Variants in DAPK1 observed in about 807,000 individuals in gnomAD.
DAPK1 encodes death-associated protein kinase 1.
In DAPK1, 56 loss-of-function variants were observed where a neutral mutation model predicts 144.9. The ratio of observed to expected loss-of-function variants is 0.39; its 90% CI spans 0.31 to 0.48. The LOEUF (loss-of-function observed/expected upper bound fraction) is 0.48, where lower values mean the gene tolerates loss of function less well. Ranked by LOEUF, DAPK1 falls within the 20% of genes least tolerant of loss-of-function variation. The probability of loss-of-function intolerance (pLI) is 0.95; values close to 1 mark genes in which losing one functional copy is unlikely to be tolerated. For synonymous variants in DAPK1, 690 were observed against 749.0 expected (o/e 0.92, Z 1.29); for missense variants, 1,454 against 1,875.4 (o/e 0.78, Z 4.15).
chr9:87,526,940 G>T (rs536792348), intron 2 of DAPK1, among the ~76,000 whole-genome samples: 1 of 152,320 alleles, frequency 6.6e-6, no homozygotes, highest in Non-Finnish European at 1.5e-5. Context: ...TTCAAAAACA[G>T]TTGGAGGATT....
At chr9:87,593,766 G>A (rs772984262) in intron 2 of DAPK1, among the ~76,000 whole-genome samples, 2 of 151,944 alleles carry the variant, frequency 1.3e-5, no homozygotes, top group Admixed American at 6.6e-5. Context: ...TTTTTCAGCC[G>A]AGAGCAGCTT....
chr9:87,513,714 G>A (rs1005186176), intron 2 of DAPK1, among the ~76,000 whole-genome samples: 28 of 152,190 alleles, frequency 1.8e-4, no homozygotes, highest in African/African-American at 6.5e-4. Flanking sequence ...TGGGTGGTGG[G>A]TGGTGCAGCT....
intron 3 of DAPK1, among the ~76,000 whole-genome samples, chr9:87,635,812 T>G (rs1191924808): frequency 2.0e-5 from 3 of 152,032 alleles, no homozygotes; most frequent in Non-Finnish European, 4.4e-5. Flanking sequence ...GTGGCAGAAG[T>G]TAAGACTTGG....
chr9:87,586,806 T>C (rs1480292358), intron 2 of DAPK1, among the ~76,000 whole-genome samples: 1 of 152,250 alleles, frequency 6.6e-6, no homozygotes, highest in African/African-American at 2.4e-5. Context: ...TAAAAGTCAC[T>C]TTCTTCAGTT....
chr9:87,706,989 C>A lies in DAPK1; in HGVS notation c.3918C>A (p.Asn1306Lys). 1.2e-6 allele frequency: 2 copies of A among 1,613,566 alleles called. No homozygotes were observed. The highest frequency in any genetic ancestry group is 1.7e-6 in the Non-Finnish European group (2 of 1,179,910). Residue 1306 changes from asparagine to lysine, a missense_variant, in exon 26 of 26, where the codon AAC becomes AAA. Around this residue, in one of 2 missense-constraint regions of DAPK1, gnomAD observed 1,025 missense variants for 1,237.9 expected, o/e 0.83. Coordinates refer to ENST00000408954, the MANE Select transcript of DAPK1 (RefSeq NM_004938.4). The surrounding 1 kb of genome is among the most constrained non-coding windows in gnomAD (Gnocchi z 9.0). ...TGGACATCCATGCATCAGACCTGAACCTCCTCACTCGGAGGAAACTGAGTC... is the reference window on the plus strand; with the variant it reads ...TGGACATCCATGCATCAGACCTGAAACTCCTCACTCGGAGGAAACTGAGTC... ...LGMDIHASDL[N>K]LLTRRKLSRL...
chr9:87,640,230 T>A, intron 7 of DAPK1, 68 bp from the exon 8 acceptor site: 1 of 1,458,636 alleles, frequency 6.9e-7, no homozygotes, highest in Non-Finnish European at 9.4e-7. Context: ...CTCCAGATGT[T>A]ATAGGAGCAA....
chr9:87,607,509 TGTC>T (rs1036489541), intron 3 of DAPK1, among the ~76,000 whole-genome samples: 2 of 152,224 alleles, frequency 1.3e-5, no homozygotes, highest in Non-Finnish European at 2.9e-5. Flanking sequence ...CAACATCTGT[TGTC>T]TGACCCCAAT....
chr9:87,517,540 A>G (rs193196695), intron 2 of DAPK1, among the ~76,000 whole-genome samples: 1 of 152,048 alleles, frequency 6.6e-6, no homozygotes, highest in Admixed American at 6.5e-5. Flanking sequence ...CTTCAGAAAC[A>G]CCTATTGTCT....
In DAPK1 at chr9:87,706,186, T is replaced by C. The variant is rs1410992472; in HGVS notation, c.3115T>C (p.Trp1039Arg). 6.2e-7 allele frequency: 1 copy of C among 1,611,326 alleles called. No homozygotes were observed. The highest frequency in any genetic ancestry group is 8.5e-7 in the Non-Finnish European group (1 of 1,177,636). The part of the protein sequence containing the change: ...VQDVLLLDPR[W>R]LCTNVLGKLL... ...GGACGTGCTGCTCCTGGACCCCCGC[T>C]GGCTCTGCACAAACGTCCTGGGGAA... Residue 1039 changes from tryptophan to arginine, a missense_variant, in exon 26 of 26, where the codon TGG (tryptophan) becomes CGG (arginine). By Grantham distance (101) the Trp-to-Arg change is moderately radical (BLOSUM62 -3). Coordinates refer to ENST00000408954, the MANE Select transcript of DAPK1 (RefSeq NM_004938.4). The surrounding 1 kb of genome is among the most constrained non-coding windows in gnomAD (Gnocchi z 9.0).
chr9:87,547,099 G>T (rs1330713981), intron 2 of DAPK1, among the ~76,000 whole-genome samples: 2 of 152,202 alleles, frequency 1.3e-5, no homozygotes, highest in Non-Finnish European at 2.9e-5. Flanking sequence ...GGAGGTTGCA[G>T]TGAGCCAAGA....
At chr9:87,499,204 G>A in intron 2 of DAPK1, 65 bp downstream of exon 2, 1 of 1,361,454 alleles carries the variant, frequency 7.3e-7, no homozygotes, top group Admixed American at 1.7e-5. Flanking sequence ...GGGCCATTGG[G>A]TGGTAAACAA....
chr9:87,523,729 C>T (rs960729888), intron 2 of DAPK1, among the ~76,000 whole-genome samples: 5 of 152,316 alleles, frequency 3.3e-5, no homozygotes, highest in East Asian at 3.9e-4. Flanking sequence ...TGGCTCCAGG[C>T]GTAGTTTTTC....
At chr9:87,666,047 T>G (rs567487545) in intron 18 of DAPK1, among the ~76,000 whole-genome samples, 8 of 152,300 alleles carry the variant, frequency 5.3e-5, no homozygotes, top group African/African-American at 1.7e-4. Flanking sequence ...AAGACCAAAA[T>G]GCAGAGATCT....
chr9:87,547,607 G>A (rs1420350509), intron 2 of DAPK1, among the ~76,000 whole-genome samples: 4 of 150,878 alleles, frequency 2.7e-5, no homozygotes, highest in Non-Finnish European at 3.0e-5. Flanking sequence ...GTGTGTGTGC[G>A]TGTGTGTAGA....
intron 2 of DAPK1, among the ~76,000 whole-genome samples, chr9:87,588,437 T>C (rs935408790): frequency 2.0e-5 from 3 of 152,216 alleles, no homozygotes; most frequent in African/African-American, 7.2e-5. Flanking sequence ...TTTATCTCTT[T>C]TGAGTGCTAC....
intron 2 of DAPK1, among the ~76,000 whole-genome samples, chr9:87,530,600 GAAT>G: frequency 6.6e-6 from 1 of 152,274 alleles, no homozygotes; most frequent in East Asian, 1.9e-4. Flanking sequence ...AGAAATTTCA[GAAT>G]AATTTCTTTC....
chr9:87,677,995 C>A (rs1824461404), intron 19 of DAPK1, among the ~76,000 whole-genome samples: 1 of 152,152 alleles, frequency 6.6e-6, no homozygotes, highest in African/African-American at 2.4e-5. Context: ...AGAATCTGTC[C>A]AGCTTTTTTG....
At chr9:87,622,192 C>T (rs1355703705) in intron 3 of DAPK1, among the ~76,000 whole-genome samples, 2 of 151,946 alleles carry the variant, frequency 1.3e-5, no homozygotes, top group African/African-American at 4.8e-5. Context: ...TTCTCTTTCC[C>T]ATGCGCCCTC....
At chr9:87,625,249 T>A (rs1829453045) in intron 3 of DAPK1, among the ~76,000 whole-genome samples, 1 of 151,982 alleles carries the variant, frequency 6.6e-6, no homozygotes, top group African/African-American at 2.4e-5. Context: ...TAACTAAGAG[T>A]TGTCCATCAG....
Sources: allele counts gnomAD v4.1 joint callset (sites outside exome capture counted in the v4.1 genomes callset), GRCh38; gene constraint gnomAD v4.1.1; regional missense constraint gnomAD v4.1.1; non-coding constraint Gnocchi (gnomAD v3.1); transcripts MANE v1.5; gene names NCBI Gene and HGNC (gene_info 2026-07-23, HGNC 2026-07-21).